Variants in XRCC5 observed in about 807,000 individuals in gnomAD.
XRCC5 encodes the protein X-ray repair cross complementing 5, also known as DNA repair protein Ku80.
In XRCC5, 12 loss-of-function variants were observed where a neutral mutation model predicts 95.7. The observed-to-expected ratio is 0.13, with a 90% CI of 0.08 to 0.20. The LOEUF (loss-of-function observed/expected upper bound fraction) is 0.20, where lower values mean the gene tolerates loss of function less well. XRCC5 is among the 10% of genes least tolerant of loss of function. The pLI, the probability that XRCC5 is intolerant of heterozygous loss-of-function variation, is 1.00. For synonymous variants in XRCC5, 281 were observed against 290.3 expected (o/e 0.97, Z 0.33); for missense variants, 595 against 873.9 (o/e 0.68, Z 4.02).
rs764205639 is a variant in XRCC5 at position 216,194,955 on chromosome 2, G to A, written c.2078G>A (p.Gly693Glu). 4 of 1,614,182 alleles carry A rather than the reference G, an allele frequency of 2.5e-6. No individual in the cohort carries two copies. Among genetic ancestry groups the A allele is most frequent in the African/African-American group, 1.3e-5 (1 of 75,056 alleles). ...ITLITKEEAS[G>E]SSVTAEEAKK... ...CTGATCACCAAAGAGGAAGCCTCTG[G>A]AAGTTCTGTCACAGCTGAGGAAGCC... is the stretch of plus-strand genomic sequence containing the variant. Residue 693 changes from glycine (G) to glutamate (E), a missense_variant, in exon 19 of 21, where the codon GGA becomes GAA. By Grantham distance (98) the Gly-to-Glu change is moderately conservative. Coordinates refer to ENST00000392132, the MANE Select transcript of XRCC5 (RefSeq NM_021141.4).
intron 2 of XRCC5, 136 bp downstream of exon 2, chr2:216,113,265 T>G: frequency 3.0e-6 from 2 of 657,726 alleles, no homozygotes; most frequent in Non-Finnish European, 5.2e-6. Context: ...TTTCCTTACA[T>G]GTACTCACAT....
chr2:216,117,175 G>A (rs183195453), intron 3 of XRCC5: 20 of 228,182 alleles, frequency 8.8e-5, no homozygotes, highest in Admixed American at 4.6e-4. Flanking sequence ...AATGTTTGGA[G>A]GCGGATAGAA....
intron 14 of XRCC5, among the ~76,000 whole-genome samples, chr2:216,159,069 C>A (rs1688900002): frequency 6.6e-6 from 1 of 152,024 alleles, no homozygotes; most frequent in Non-Finnish European, 1.5e-5. Context: ...CTTAATTTAG[C>A]TATTTCACAA....
chr2:216,128,155 C>T (rs1476510066), intron 8 of XRCC5, among the ~76,000 whole-genome samples: 1 of 152,044 alleles, frequency 6.6e-6, no homozygotes, highest in African/African-American at 2.4e-5. Flanking sequence ...AAGTTGTACT[C>T]CTATGTTATA....
chr2:216,179,231 C>T (rs1363788935), intron 16 of XRCC5, among the ~76,000 whole-genome samples: 1 of 152,178 alleles, frequency 6.6e-6, no homozygotes. Context: ...AGATCCATTA[C>T]TGTAATCTCT....
In XRCC5 at chr2:216,192,630, C is replaced by G; in HGVS notation, c.1945-9C>G. The G allele has an allele frequency of 6.4e-7, 1 of 1,571,718 alleles. No homozygotes were observed. Among genetic ancestry groups the G allele is most frequent in the East Asian group, 2.3e-5 (1 of 42,988 alleles). On this transcript the variant is annotated splice_polypyrimidine_tract_variant and intron_variant, in intron 17 of 20. Coordinates refer to ENST00000392132, the MANE Select transcript of XRCC5 (RefSeq NM_021141.4). Reference sequence around the variant, plus strand: ...TTGCTGCCTCCTCTACCCCAACTTGCTACCACAGTTTTCAGAAGAGCAGCG... The same window carrying G: ...TTGCTGCCTCCTCTACCCCAACTTGGTACCACAGTTTTCAGAAGAGCAGCG...
intron 20 of XRCC5, 71 bp from the exon 21 acceptor site, chr2:216,205,117 C>G (rs1689918516): frequency 6.3e-7 from 1 of 1,580,566 alleles, no homozygotes; most frequent in Non-Finnish European, 8.7e-7. Context: ...TCATTAAACC[C>G]TCTCTCACCA....
chr2:216,205,766 A>C lies in XRCC5; in HGVS notation c.*564A>C, dbSNP rs1689930775. 1 of 153,528 alleles carries C rather than the reference A, an allele frequency of 6.5e-6. No homozygotes were observed. Among genetic ancestry groups the C allele is most frequent in the Non-Finnish European group, 1.4e-5 (1 of 69,038 alleles). The allele number at this position is 153,528 out of a possible 1,614,324, so 9.5% of individuals were successfully genotyped here. A position where few individuals can be genotyped will look rare whatever the true frequency, so the allele number is the denominator to read the frequency against. Reference sequence around the variant, plus strand: ...TTTTAGTTGAGGCCTTCTAGTTACCACATTACTCTGCCTCTGTATATAGGT... The same window carrying C: ...TTTTAGTTGAGGCCTTCTAGTTACCCCATTACTCTGCCTCTGTATATAGGT... On this transcript the variant is annotated 3_prime_UTR_variant, in exon 21 of 21. Coordinates refer to ENST00000392132, the MANE Select transcript of XRCC5 (RefSeq NM_021141.4).
At chr2:216,156,659 C>T (rs932805828) in intron 14 of XRCC5, 1 of 550,164 alleles carries the variant, frequency 1.8e-6, no homozygotes, top group Non-Finnish European at 3.7e-6. Context: ...AATGCAAGAG[C>T]TTCATAACTC....
chr2:216,143,971 C>T (rs1238264336), intron 13 of XRCC5, among the ~76,000 whole-genome samples: 1 of 152,016 alleles, frequency 6.6e-6, no homozygotes, highest in African/African-American at 2.4e-5. Context: ...GCCTCGGCCT[C>T]CCCAAAGTGC....
intron 14 of XRCC5, among the ~76,000 whole-genome samples, chr2:216,153,954 C>A (rs991324716): frequency 6.6e-6 from 1 of 152,224 alleles, no homozygotes; most frequent in African/African-American, 2.4e-5. Flanking sequence ...TCCTTTCCAA[C>A]CCCTCTTCAT....
chr2:216,124,624 T>C (rs1252606983), intron 6 of XRCC5, among the ~76,000 whole-genome samples: 1 of 152,230 alleles, frequency 6.6e-6, no homozygotes, highest in Non-Finnish European at 1.5e-5. Context: ...AGGTAAGATA[T>C]CTACTATTCG....
chr2:216,148,415 A>G, intron 14 of XRCC5, 139 bp downstream of exon 14: 1 of 695,598 alleles, frequency 1.4e-6, no homozygotes, highest in Non-Finnish European at 2.3e-6. Flanking sequence ...TTTGGCCCTT[A>G]TATTGAAATA....
intron 5 of XRCC5, 27 bp downstream of exon 5, chr2:216,119,192 G>A (rs1349190001): frequency 6.2e-7 from 1 of 1,612,518 alleles, no homozygotes; most frequent in East Asian, 2.2e-5. Flanking sequence ...AATGCATGTA[G>A]ACAAATCCTA....
At position 216,178,707 on chromosome 2, in the gene XRCC5, C is replaced by G. The variant is rs1398811467; in HGVS notation, c.1835-11518C>G. 2.0e-5 allele frequency among the ~76,000 whole-genome samples: 3 copies of G among 152,138 alleles called. No homozygotes were observed. The South Asian group carries it at 6.2e-4, about 32-fold the overall frequency. On this transcript the variant is annotated intron_variant, in intron 16 of 20. Transcript: ENST00000392132. ...GCATGTTATTCTTTCTGCATTTCCC[C>G]CTTCAATAGAGCTTTATTGTAACCA...
intron 14 of XRCC5, among the ~76,000 whole-genome samples, chr2:216,149,685 T>C (rs1226235933): frequency 2.6e-5 from 4 of 152,174 alleles, no homozygotes; most frequent in Non-Finnish European, 5.9e-5. Flanking sequence ...CATTTTCTGC[T>C]CTTCCCTTTG....
At chr2:216,114,101 A>G (rs1696640632) in intron 2 of XRCC5, among the ~76,000 whole-genome samples, 1 of 152,206 alleles carries the variant, frequency 6.6e-6, no homozygotes, top group African/African-American at 2.4e-5. Context: ...TACCTGTCAC[A>G]TAGGGTAGTT....
intron 17 of XRCC5, among the ~76,000 whole-genome samples, chr2:216,192,278 G>C (rs1342576257): frequency 1.3e-5 from 2 of 152,332 alleles, no homozygotes; most frequent in African/African-American, 2.4e-5. Flanking sequence ...ACAGGCATGA[G>C]TCAACATGCT....
Position 216,172,631 on chromosome 2 carries a change from G to C in XRCC5, c.1834+10583G>C, listed in dbSNP as rs190499113. 6.8e-3 allele frequency among the ~76,000 whole-genome samples: 1,039 copies of C among 151,934 alleles called. 40 individuals carry two copies. The highest frequency in any genetic ancestry group is 0.064 in the Admixed American group (970 of 15,264). On this transcript the variant is annotated intron_variant, in intron 16 of 20. Transcript: ENST00000392132. ...TTACAGGCATGAGGTACTACGCCTG[G>C]CTCATGTTTGTATTTTTTTAATAGA...
Sources: allele counts gnomAD v4.1 joint callset (sites outside exome capture counted in the v4.1 genomes callset), GRCh38; gene constraint gnomAD v4.1.1; transcripts MANE v1.5; gene names NCBI Gene and HGNC (gene_info 2026-07-23, HGNC 2026-07-21).